DLG1: variants seen among roughly 807,000 people sequenced by gnomAD.
DLG1 encodes disks large homolog 1.
A neutral mutation model predicts 123.4 loss-of-function variants in DLG1; 42 were observed. The ratio of observed to expected loss-of-function variants is 0.34; its 90% CI spans 0.27 to 0.44. The LOEUF is 0.44. DLG1 is among the 20% of genes least tolerant of loss of function. The pLI is 1.00. For synonymous variants in DLG1, 317 were observed against 356.2 expected (o/e 0.89, Z 1.24); for missense variants, 942 against 1,082.6 (o/e 0.87, Z 1.82).
intron 4 of DLG1, among the ~76,000 whole-genome samples, chr3:197,252,691 GT>G (rs1396067977): frequency 6.6e-6 from 1 of 152,172 alleles, no homozygotes; most frequent in African/African-American, 2.4e-5. Context: ...TTTCACAAAT[GT>G]ATTTAATACC....
chr3:197,121,586 C>A (rs1307552732), intron 11 of DLG1, among the ~76,000 whole-genome samples: 3 of 151,374 alleles, frequency 2.0e-5, no homozygotes, highest in Non-Finnish European at 4.4e-5. Flanking sequence ...TCTTTTTTTT[C>A]CTACTTTTAT....
chr3:197,187,090 T>C (rs1250912340), intron 5 of DLG1, among the ~76,000 whole-genome samples: 4 of 151,958 alleles, frequency 2.6e-5, no homozygotes, highest in Non-Finnish European at 1.5e-5. Context: ...CTGAGAAGAG[T>C]GACAAGAACA....
intron 5 of DLG1, among the ~76,000 whole-genome samples, chr3:197,158,508 C>T (rs963341249): frequency 1.3e-5 from 2 of 150,630 alleles, no homozygotes; most frequent in African/African-American, 4.9e-5. Flanking sequence ...GTGGCACATG[C>T]CTGTAATCCC....
chr3:197,156,178 G>C (rs1015439887), intron 5 of DLG1, among the ~76,000 whole-genome samples: 2 of 152,176 alleles, frequency 1.3e-5, no homozygotes, highest in Non-Finnish European at 2.9e-5. Flanking sequence ...AAGGGGTTGG[G>C]ACAGAGCAGT....
chr3:197,058,049 G>A (rs1238563673), intron 23 of DLG1, among the ~76,000 whole-genome samples: 2 of 151,686 alleles, frequency 1.3e-5, no homozygotes, highest in African/African-American at 2.4e-5. Flanking sequence ...CAAGATCTTG[G>A]CTCACTGCAA....
At chr3:197,131,019 G>T (rs1782179746) in intron 10 of DLG1, among the ~76,000 whole-genome samples, 1 of 152,088 alleles carries the variant, frequency 6.6e-6, no homozygotes, top group African/African-American at 2.4e-5. Flanking sequence ...TTGTTTTTAT[G>T]TTAGGATTTT....
intron 15 of DLG1, among the ~76,000 whole-genome samples, chr3:197,090,425 G>A (rs1757129032): frequency 6.6e-6 from 1 of 151,788 alleles, no homozygotes; most frequent in African/African-American, 2.4e-5. Context: ...TCTCCCAAGT[G>A]TTTAAAAAAT....
intron 6 of DLG1, among the ~76,000 whole-genome samples, chr3:197,145,744 T>C (rs896157019): frequency 1.3e-5 from 2 of 152,098 alleles, no homozygotes; most frequent in African/African-American, 4.8e-5. Flanking sequence ...ATTCATGATG[T>C]AGGTTTCTAA....
chr3:197,203,938 T>C (rs942906280), intron 4 of DLG1, among the ~76,000 whole-genome samples: 10 of 152,110 alleles, frequency 6.6e-5, no homozygotes, highest in Admixed American at 2.0e-4. Flanking sequence ...ATGAAATCTA[T>C]CCTATGCAAA....
chr3:197,297,541 C>A, intron 1 of DLG1: 1 of 1,133,078 alleles, frequency 8.8e-7, no homozygotes, highest in Non-Finnish European at 1.1e-6. Flanking sequence ...CCACACTCCC[C>A]ACCTGCTACT....
intron 4 of DLG1, among the ~76,000 whole-genome samples, chr3:197,213,568 G>A (rs186457060): frequency 1.7e-4 from 26 of 152,182 alleles, no homozygotes; most frequent in African/African-American, 5.8e-4. Flanking sequence ...TTATACTTCC[G>A]TAAAAATGAT....
intron 4 of DLG1, among the ~76,000 whole-genome samples, chr3:197,276,521 T>C (rs1173434110): frequency 1.3e-5 from 2 of 152,252 alleles, no homozygotes; most frequent in Non-Finnish European, 2.9e-5. Context: ...CATTTCTTCA[T>C]AGGCTTATTG....
chr3:197,123,982 G>A (rs1029336469), intron 11 of DLG1, among the ~76,000 whole-genome samples: 2 of 152,226 alleles, frequency 1.3e-5, no homozygotes, highest in Admixed American at 6.5e-5. Flanking sequence ...GAGGTCAGGT[G>A]CAGTGGCTCC....
chr3:197,069,278 TG>T lies in DLG1; in HGVS notation c.2006-19del. 2 of 1,565,904 alleles carry T rather than the reference TG, an allele frequency of 1.3e-6. No individual in the cohort carries two copies. The highest frequency in any genetic ancestry group is 1.7e-6 in the Non-Finnish European group (2 of 1,151,998). ...TACATGCTCTGAAATTGCAGGACAA[TG>T]AAAAAAAATAAAACAGTGTCATGAG... On this transcript the variant is annotated intron_variant, in intron 18 of 24. Coordinates refer to ENST00000667157, the MANE Select transcript of DLG1 (RefSeq NM_001366207.1).
intron 23 of DLG1, among the ~76,000 whole-genome samples, chr3:197,051,954 GCCC>G (rs1728102544): frequency 6.8e-6 from 1 of 146,542 alleles, no homozygotes; most frequent in African/African-American, 2.5e-5. Context: ...TGATTCTCCT[GCCC>G]CCATCTCTCA....
intron 4 of DLG1, among the ~76,000 whole-genome samples, chr3:197,200,558 A>G (rs1322942776): frequency 6.6e-6 from 1 of 152,214 alleles, no homozygotes; most frequent in Non-Finnish European, 1.5e-5. Context: ...ACTAATGAAC[A>G]TAGATGTAAA....
At chr3:197,297,081 G>C (rs892381729) in intron 2 of DLG1, 105 bp downstream of exon 2, 15 of 1,208,956 alleles carry the variant, frequency 1.2e-5, no homozygotes, top group African/African-American at 4.5e-5. Flanking sequence ...CTAGGACCGT[G>C]CTGTCTCATC....
At chr3:197,121,792 C>A (rs1776497603) in intron 11 of DLG1, among the ~76,000 whole-genome samples, 1 of 135,298 alleles carries the variant, frequency 7.4e-6, no homozygotes. Context: ...CTGTGAGAAA[C>A]ATCCCCTCCA....
intron 5 of DLG1, among the ~76,000 whole-genome samples, chr3:197,172,977 G>A (rs1805021598): frequency 6.6e-6 from 1 of 152,128 alleles, no homozygotes; most frequent in African/African-American, 2.4e-5. Flanking sequence ...CTTCCTCTGA[G>A]GTTCCACTAA....
Sources: allele counts gnomAD v4.1 joint callset (sites outside exome capture counted in the v4.1 genomes callset), GRCh38; gene constraint gnomAD v4.1.1; transcripts MANE v1.5; gene names NCBI Gene and HGNC (gene_info 2026-07-23, HGNC 2026-07-21).